Variants in NREP observed in about 807,000 individuals in gnomAD.
The protein encoded by NREP is neuronal regeneration related protein.
NREP carries 5 observed loss-of-function variants against 8.6 expected under a neutral mutation model. The observed-to-expected ratio is 0.58, with a 90% CI of 0.30 to 1.22. The LOEUF (loss-of-function observed/expected upper bound fraction) is 1.22. Ranked by LOEUF, NREP falls within the 50% of genes most tolerant of loss-of-function variation. The probability of loss-of-function intolerance (pLI) is 0.07; values close to 1 mark genes in which losing one functional copy is unlikely to be tolerated. For synonymous variants in NREP, 27 were observed against 28.0 expected (o/e 0.96, Z 0.11); for missense variants, 86 against 82.5 (o/e 1.04, Z -0.17).
chr5:111,918,729 T>A (rs1174391105), intron 2 of NREP, among the ~76,000 whole-genome samples: 1 of 152,160 alleles, frequency 6.6e-6, no homozygotes, highest in East Asian at 1.9e-4. Flanking sequence ...ATTAAAGACT[T>A]AAATGTAAAA....
chr5:111,863,649 G>C (rs750072498), intron 2 of NREP, among the ~76,000 whole-genome samples: 3 of 151,424 alleles, frequency 2.0e-5, no homozygotes, highest in African/African-American at 4.9e-5. Context: ...AGCTATGAGA[G>C]TGTAGTATCA....
chr5:111,919,008 C>T (rs1319157994), intron 2 of NREP, among the ~76,000 whole-genome samples: 2 of 152,088 alleles, frequency 1.3e-5, no homozygotes, highest in African/African-American at 2.4e-5. Context: ...TATCCAGAAT[C>T]TACAGGGACT....
intron 2 of NREP, among the ~76,000 whole-genome samples, chr5:111,788,701 A>G (rs1323204090): frequency 6.6e-6 from 1 of 152,214 alleles, no homozygotes; most frequent in Non-Finnish European, 1.5e-5. Flanking sequence ...TCAAAATTAC[A>G]CACATGGTGA....
chr5:111,787,439 C>A (rs1049246397), intron 2 of NREP, among the ~76,000 whole-genome samples: 9 of 152,038 alleles, frequency 5.9e-5, no homozygotes, highest in Non-Finnish European at 1.0e-4. Context: ...ACAGTAAATG[C>A]ATCTTTGAAA....
chr5:111,966,680 G>A (rs1581258337), intron 2 of NREP, among the ~76,000 whole-genome samples: 1 of 152,120 alleles, frequency 6.6e-6, no homozygotes, highest in African/African-American at 2.4e-5. Context: ...TTAAAGGAAA[G>A]TATTATCAAA....
intron 2 of NREP, among the ~76,000 whole-genome samples, chr5:111,936,714 T>A (rs143531170): frequency 2.2e-3 from 328 of 152,194 alleles, no homozygotes; most frequent in Middle Eastern, 6.8e-3. Context: ...TCTCCTTGAT[T>A]CCCTACAGAG....
intron 2 of NREP, among the ~76,000 whole-genome samples, chr5:111,787,606 G>A (rs772297400): frequency 6.7e-6 from 1 of 150,042 alleles, no homozygotes; most frequent in East Asian, 2.0e-4. Flanking sequence ...AAGAAAGGAG[G>A]GCTTGAAAAA....
chr5:111,779,489 GC>G (rs1343609059), intron 2 of NREP, among the ~76,000 whole-genome samples: 1 of 152,154 alleles, frequency 6.6e-6, no homozygotes, highest in African/African-American at 2.4e-5. Flanking sequence ...GATTCATTTA[GC>G]CATAAACAGG....
intron 2 of NREP, among the ~76,000 whole-genome samples, chr5:111,852,983 A>G (rs1417141999): frequency 6.6e-6 from 1 of 152,170 alleles, no homozygotes; most frequent in Non-Finnish European, 1.5e-5. Context: ...AGAACTTCAT[A>G]CAAAGGGACA....
chr5:111,784,621 A>G (rs1183035707), intron 2 of NREP, among the ~76,000 whole-genome samples: 1 of 152,188 alleles, frequency 6.6e-6, no homozygotes, highest in East Asian at 1.9e-4. Context: ...TATTTCAAAC[A>G]TATTTTAACA....
At chr5:111,830,634 A>T (rs1050372093) in intron 2 of NREP, among the ~76,000 whole-genome samples, 1 of 152,220 alleles carries the variant, frequency 6.6e-6, no homozygotes, top group African/African-American at 2.4e-5. Context: ...CTGCTTTAAG[A>T]GAAGGTGTGA....
intron 2 of NREP, among the ~76,000 whole-genome samples, chr5:111,954,939 T>C: frequency 6.6e-6 from 1 of 152,204 alleles, no homozygotes. Flanking sequence ...CAAGGAAGAA[T>C]GCTAAAAAGA....
At chr5:111,972,128 TA>T (rs1483028334) in intron 2 of NREP, among the ~76,000 whole-genome samples, 2 of 151,978 alleles carry the variant, frequency 1.3e-5, no homozygotes, top group African/African-American at 4.8e-5. Context: ...AGCAGGCATA[TA>T]AAAAATGATC....
upstream of NREP, among the ~76,000 whole-genome samples, chr5:111,759,421 C>CTTT (rs56847446): frequency 1.5e-4 from 22 of 144,914 alleles, no homozygotes; most frequent in East Asian, 1.2e-3. Flanking sequence ...TTCTTTCTTT[C>CTTT]TTTTTTTTTT....
At chr5:111,906,940 T>A (rs1431298842) in intron 2 of NREP, among the ~76,000 whole-genome samples, 1 of 152,102 alleles carries the variant, frequency 6.6e-6, no homozygotes, top group African/African-American at 2.4e-5. Flanking sequence ...AATATATTTT[T>A]TAATTTCTTA....
chr5:111,944,954 T>C (rs1343278354), intron 2 of NREP, among the ~76,000 whole-genome samples: 3 of 152,090 alleles, frequency 2.0e-5, no homozygotes, highest in Non-Finnish European at 4.4e-5. Context: ...ACCTCTCCTT[T>C]ATCCCTAATA....
intron 2 of NREP, among the ~76,000 whole-genome samples, chr5:111,766,116 T>C (rs1581101188): frequency 6.6e-6 from 1 of 152,216 alleles, no homozygotes; most frequent in South Asian, 2.1e-4. Context: ...TTCAAGTTCA[T>C]CTTGATTTCA....
At chr5:111,827,583 G>A (rs757320655) in intron 2 of NREP, among the ~76,000 whole-genome samples, 2 of 152,134 alleles carry the variant, frequency 1.3e-5, no homozygotes, top group Admixed American at 6.5e-5. Context: ...GGGTGTGGGG[G>A]TTCACACCTG....
intron 2 of NREP, among the ~76,000 whole-genome samples, chr5:111,916,714 G>A (rs185527333): frequency 6.1e-4 from 93 of 152,222 alleles, no homozygotes; most frequent in Non-Finnish European, 1.3e-3. Context: ...GATAGTAGTA[G>A]TACCTACTTC....
Sources: allele counts gnomAD v4.1 joint callset (sites outside exome capture counted in the v4.1 genomes callset), GRCh38; gene constraint gnomAD v4.1.1; transcripts MANE v1.5; gene names NCBI Gene and HGNC (gene_info 2026-07-23, HGNC 2026-07-21).